Variants in RIMS2 observed in about 807,000 individuals in gnomAD.
RIMS2 encodes regulating synaptic membrane exocytosis protein 2.
In RIMS2, 59 loss-of-function variants were observed where a neutral mutation model predicts 174.4. That is an observed-to-expected ratio of 0.34 (90% CI 0.27 to 0.42). RIMS2 has a LOEUF of 0.42. RIMS2 is among the 10% of genes least tolerant of loss of function. The pLI, the probability that RIMS2 is intolerant of heterozygous loss-of-function variation, is 1.00. For missense variants in RIMS2, 1,620 were observed against 1,666.3 expected, an observed-to-expected ratio of 0.97 and a Z score of 0.48; for synonymous variants, 606 against 572.5, an observed-to-expected ratio of 1.06 and a Z score of -0.84.
intron 3 of RIMS2, among the ~76,000 whole-genome samples, chr8:103,782,918 A>T (rs931604803): frequency 6.6e-6 from 1 of 152,160 alleles, no homozygotes; most frequent in Non-Finnish European, 1.5e-5. Context: ...TTAGTTTTCT[A>T]TATCTGTATA....
At chr8:103,987,302 G>A (rs558035734) in intron 16 of RIMS2, among the ~76,000 whole-genome samples, 4 of 152,022 alleles carry the variant, frequency 2.6e-5, no homozygotes, top group Non-Finnish European at 4.4e-5. Flanking sequence ...AGTTACAAAC[G>A]TATGTAAAAA....
chr8:104,151,473 G>A (rs1370835480), intron 19 of RIMS2, among the ~76,000 whole-genome samples: 1 of 152,088 alleles, frequency 6.6e-6, no homozygotes, highest in Non-Finnish European at 1.5e-5. Context: ...GGAGGCTGAG[G>A]CATGAGAATT....
chr8:104,200,668 A>G (rs1401283064), intron 19 of RIMS2, among the ~76,000 whole-genome samples: 1 of 152,198 alleles, frequency 6.6e-6, no homozygotes, highest in African/African-American at 2.4e-5. Flanking sequence ...GCACTTTTGG[A>G]GTCCAAGGCG....
chr8:104,076,422 T>C (rs1006526460), intron 19 of RIMS2, among the ~76,000 whole-genome samples: 4 of 152,182 alleles, frequency 2.6e-5, no homozygotes, highest in African/African-American at 7.2e-5. Context: ...TGTGTTTGTA[T>C]AATTTCTTCC....
intron 1 of RIMS2, among the ~76,000 whole-genome samples, chr8:103,557,953 A>G (rs1021117802): frequency 2.6e-5 from 4 of 152,180 alleles, no homozygotes; most frequent in South Asian, 2.1e-4. Context: ...TCTCCCAACT[A>G]TGGGTAAAAT....
intron 15 of RIMS2, among the ~76,000 whole-genome samples, chr8:103,962,771 C>T (rs911450952): frequency 6.6e-6 from 1 of 152,080 alleles, no homozygotes; most frequent in African/African-American, 2.4e-5. Flanking sequence ...ACTACAGGTG[C>T]ACACTACCTA....
At chr8:103,673,444 T>C (rs1318794601) in intron 1 of RIMS2, among the ~76,000 whole-genome samples, 1 of 152,156 alleles carries the variant, frequency 6.6e-6, no homozygotes, top group African/African-American at 2.4e-5. Context: ...ATACATCCTC[T>C]CAAATCTAGG....
At chr8:103,888,108 A>G (rs965898565) in intron 4 of RIMS2, among the ~76,000 whole-genome samples, 1 of 151,476 alleles carries the variant, frequency 6.6e-6, no homozygotes, top group African/African-American at 2.4e-5. Flanking sequence ...AAAATGTGAT[A>G]CTGATAGAAA....
intron 3 of RIMS2, among the ~76,000 whole-genome samples, chr8:103,837,889 C>T (rs2098912219): frequency 1.3e-5 from 2 of 150,904 alleles, no homozygotes; most frequent in Non-Finnish European, 2.9e-5. Context: ...TAATGGGATT[C>T]TTAATGTTAC....
intron 19 of RIMS2, among the ~76,000 whole-genome samples, chr8:104,200,084 T>A (rs1335842795): frequency 6.6e-6 from 1 of 152,136 alleles, no homozygotes; most frequent in Non-Finnish European, 1.5e-5. Context: ...ATAGGAATGG[T>A]CAGGGCAGGG....
Position 103,669,506 on chromosome 8 carries a change from A to G in RIMS2, c.177-27580A>G, listed in dbSNP as rs376067150. ...TCCAAAATCTCATTTGAGACAAGGC[A>G]AGTCCCTTCCACCTATGAGCCTGTA... On this transcript the variant is annotated intron_variant, in intron 1 of 23. Coordinates refer to ENST00000504942, the Ensembl canonical transcript of RIMS2. 3.0e-4 allele frequency among the ~76,000 whole-genome samples: 45 copies of G among 152,344 alleles called. No individual in the cohort carries two copies. The East Asian group carries it at 3.9e-3, about 13-fold the overall frequency.
intron 19 of RIMS2, among the ~76,000 whole-genome samples, chr8:104,132,832 GTC>G (rs2098483996): frequency 6.6e-6 from 1 of 152,164 alleles, no homozygotes; most frequent in African/African-American, 2.4e-5. Context: ...TATTATGTAA[GTC>G]TCTGCCAGCA....
intron 3 of RIMS2, among the ~76,000 whole-genome samples, chr8:103,841,811 C>A (rs950494660): frequency 6.6e-6 from 1 of 151,784 alleles, no homozygotes; most frequent in Non-Finnish European, 1.5e-5. Flanking sequence ...AAAAAGTAGC[C>A]GGGTGTGATG....
At chr8:103,852,633 C>T (rs2099005489) in intron 3 of RIMS2, among the ~76,000 whole-genome samples, 1 of 151,898 alleles carries the variant, frequency 6.6e-6, no homozygotes, top group Admixed American at 6.6e-5. Context: ...ATTTAGCCCC[C>T]ACTTGTAAGT....
chr8:104,163,210 A>G (rs1188687881), intron 19 of RIMS2, among the ~76,000 whole-genome samples: 60 of 152,176 alleles, frequency 3.9e-4, no homozygotes, highest in Non-Finnish European at 4.4e-5. Flanking sequence ...AAGTGGACAA[A>G]TTCTTCTAAT....
intron 19 of RIMS2, among the ~76,000 whole-genome samples, chr8:104,096,875 CAAA>C (rs34215707): frequency 2.3e-5 from 3 of 131,112 alleles, no homozygotes; most frequent in Non-Finnish European, 3.3e-5. Flanking sequence ...CGCCCCCCAC[CAAA>C]AAAAAAAAAA....
intron 19 of RIMS2, among the ~76,000 whole-genome samples, chr8:104,087,325 T>C (rs1161397379): frequency 6.6e-6 from 1 of 152,044 alleles, no homozygotes; most frequent in Non-Finnish European, 1.5e-5. Flanking sequence ...TATAATCTAG[T>C]GGGGTGGGTA....
chr8:103,621,999 A>G lies in RIMS2; in HGVS notation c.177-75087A>G, dbSNP rs867247383. Among the ~76,000 whole-genome samples the G allele has an allele frequency of 3.9e-5, 6 of 152,206 alleles. No individual in the cohort carries two copies. In the South Asian group the frequency reaches 1.2e-3, roughly 32 times the overall value. On this transcript the variant is annotated intron_variant, in intron 1 of 23. Coordinates refer to ENST00000504942, the Ensembl canonical transcript of RIMS2. The stretch of plus-strand genomic sequence containing the variant: ...ATTTAATGCTTGTGTGTATAAAAAT[A>G]ATCCAAAAATATTGTGATTTGCCAT...
At chr8:104,161,574 AC>A (rs960107959) in intron 19 of RIMS2, among the ~76,000 whole-genome samples, 6 of 152,196 alleles carry the variant, frequency 3.9e-5, no homozygotes, top group Non-Finnish European at 8.8e-5. Context: ...ATAAGGGACA[AC>A]TTTTTTTAGA....
Sources: gnomAD v4.1 joint callset for allele counts (sites outside exome capture counted in the v4.1 genomes callset) on GRCh38, gnomAD v4.1.1 for gene constraint, MANE v1.5 for transcripts, NCBI Gene and HGNC (gene_info 2026-07-23, HGNC 2026-07-21) for gene names.